The following GRIN3B variants were observed in gnomAD, a reference collection of about 807,000 sequenced individuals.
GRIN3B encodes the protein glutamate receptor ionotropic, NMDA 3B.
GRIN3B carries 77 observed loss-of-function variants against 66.0 expected under a neutral mutation model. That is an observed-to-expected ratio of 1.17 (90% CI 0.97 to 1.41). The LOEUF (loss-of-function observed/expected upper bound fraction) is 1.41, where lower values mean the gene tolerates loss of function less well. Among genes scored for constraint, GRIN3B ranks in the 40% most tolerant of loss-of-function variants. The pLI is 0.00. For synonymous variants in GRIN3B, 823 were observed against 749.7 expected, an observed-to-expected ratio of 1.10 and a Z score of -1.60; for missense variants, 1,787 against 1,564.5, an observed-to-expected ratio of 1.14 and a Z score of -2.40.
At position 1,008,914 on chromosome 19, in the gene GRIN3B, G is replaced by A; in HGVS notation, c.2689G>A (p.Glu897Lys). 1 of 1,608,812 alleles carries A rather than the reference G, an allele frequency of 6.2e-7. No individual in the cohort carries two copies. Among genetic ancestry groups the A allele is most frequent in the South Asian group, 1.1e-5 (1 of 90,484 alleles). Residue 897 changes from glutamate to lysine, a missense_variant, in exon 8 of 9, where the codon GAG becomes AAG. Physicochemically the swap from Glu to Lys is moderately conservative, Grantham distance 56. Coordinates refer to ENST00000234389, the MANE Select transcript of GRIN3B (RefSeq NM_138690.3). ...PPEGSKEETAEAEPSGPEVEQ... is the reference protein window; with the variant it reads ...PPEGSKEETAKAEPSGPEVEQ... Reference sequence around the variant, plus strand: ...AGAGGGGTCGAAGGAGGAGACGGCAGAGGCGGAGCCCAGGTAAGTGGTGGT... The same window carrying A: ...AGAGGGGTCGAAGGAGGAGACGGCAAAGGCGGAGCCCAGGTAAGTGGTGGT...
chr19:1,008,176 C>T lies in GRIN3B; in HGVS notation c.2351C>T (p.Thr784Ile). ...GGACTGCCCCAGAACTCGCCGCTCA[C>T]CTCCAACCTGTCCGAGTTCATCAGC... ...GIGLPQNSPL[T>I]SNLSEFISRY... is the part of the protein sequence containing the mutation. The change falls in exon 6 of 9, where the codon ACC becomes ATC. Residue 784 changes from threonine (T) to isoleucine (I), a missense_variant. Transcript: ENST00000234389. The T allele has an allele frequency of 6.2e-7, 1 of 1,607,956 alleles. No homozygotes were observed. The highest frequency in any genetic ancestry group is 8.5e-7 in the Non-Finnish European group (1 of 1,177,858).
rs540750615 is a variant in GRIN3B, at chr19:1,007,196, G to A, written c.2053-432G>A. Among the ~76,000 whole-genome samples the A allele has an allele frequency of 2.6e-5, 4 of 152,258 alleles. No individual in the cohort carries two copies. The highest frequency in any genetic ancestry group is 9.6e-5 in the African/African-American group (4 of 41,536). Reference sequence around the variant, plus strand: ...TTTTCGGGAGAAACAGGGTGTCAGAGGCAGTGACGACAGAGCTGCCTCCGC... The same window carrying A: ...TTTTCGGGAGAAACAGGGTGTCAGAAGCAGTGACGACAGAGCTGCCTCCGC... On this transcript the variant is annotated intron_variant, in intron 3 of 8. Transcript: ENST00000234389. This position sits in a 1 kb window ranked among gnomAD's most constrained non-coding sequence, Gnocchi z 4.4.
chr19:1,008,863 C>T lies in GRIN3B; in HGVS notation c.2638C>T (p.His880Tyr), dbSNP rs1383386252. The T allele has an allele frequency of 6.2e-6, 10 of 1,608,496 alleles. No individual in the cohort carries two copies. The highest frequency in any genetic ancestry group is 2.7e-5 in the African/African-American group (2 of 74,878). Residue 880 changes from histidine to tyrosine, a missense_variant, in exon 8 of 9, where the codon CAC (histidine) becomes TAC (tyrosine). Transcript: ENST00000234389. Reference sequence around the variant, plus strand: ...GGTCTGTCTGGGGTCTTAGAAAATCCACCGCGCCCTCAACACGGAGCCACC... The same window carrying T: ...GGTCTGTCTGGGGTCTTAGAAAATCTACCGCGCCCTCAACACGGAGCCACC... ...QYWLHTSQKI[H>Y]RALNTEPPEG...
In GRIN3B at chr19:1,000,875, G is replaced by A; in HGVS notation, c.426+12G>A. 2.1e-6 allele frequency: 3 copies of A among 1,395,386 alleles called. No homozygotes were observed. The highest frequency in any genetic ancestry group is 1.5e-5 in the South Asian group (1 of 66,056). 86.4% of individuals were successfully genotyped at this position (1,395,386 alleles called of 1,614,324 possible). A position where few individuals can be genotyped will look rare whatever the true frequency, so the allele number is the denominator to read the frequency against. On this transcript the variant is annotated intron_variant, in intron 1 of 8. Coordinates refer to ENST00000234389, the MANE Select transcript of GRIN3B (RefSeq NM_138690.3). ...CCCTCGGAGCCCCGGTACGCGGGACGCCCGGAGTCAGGACGAGGGGGACCC... is the reference window on the plus strand; with the variant it reads ...CCCTCGGAGCCCCGGTACGCGGGACACCCGGAGTCAGGACGAGGGGGACCC...
Position 1,005,234 on chromosome 19 carries a change from G to A in GRIN3B, c.1733G>A (p.Trp578Ter). Residue 578 changes from tryptophan to a stop codon, truncating the protein, a stop_gained, in exon 3 of 9, where the codon TGG becomes TAG. Coordinates refer to ENST00000234389, the MANE Select transcript of GRIN3B (RefSeq NM_138690.3). LOFTEE classifies it high-confidence loss of function. This position sits in a 1 kb window ranked among gnomAD's most constrained non-coding sequence, Gnocchi z 5.2. ...ATGTGGCCCCTGCACTGGTCCACGTGGCTGGGCGTCTTTGCGGCCCTGCAC... is the reference window on the plus strand; with the variant it reads ...ATGTGGCCCCTGCACTGGTCCACGTAGCTGGGCGTCTTTGCGGCCCTGCAC... The part of the protein sequence containing the change: ...AFMWPLHWST[W>*]LGVFAALHLT... 1 of 1,613,360 alleles carries A rather than the reference G, an allele frequency of 6.2e-7. No individual in the cohort carries two copies. The highest frequency in any genetic ancestry group is 8.5e-7 in the Non-Finnish European group (1 of 1,179,892).
rs746604370 is a variant in GRIN3B, at chr19:1,003,541, G to C, written c.838G>C (p.Ala280Pro). 2.1e-5 allele frequency: 32 copies of C among 1,523,128 alleles called. No homozygotes were observed. Among genetic ancestry groups the C allele is most frequent in the Non-Finnish European group, 2.8e-5 (32 of 1,140,696 alleles). The allele number at this position is 1,523,128 out of a possible 1,614,324, so 94.4% of individuals were successfully genotyped here. The change falls in exon 2 of 9, where the codon GCG (alanine) becomes CCG (proline). Residue 280 changes from alanine to proline, a missense_variant. Physicochemically the swap from Ala to Pro is conservative, Grantham distance 27. Transcript: ENST00000234389. ...PTAGLPPGLL[A>P]LGEVARPPLE... is the part of the protein sequence containing the mutation. ...CGCGGGGCTGCCACCAGGGCTGCTG[G>C]CGCTGGGCGAGGTGGCACGACCCCC...
chr19:1,004,514 C>T lies in GRIN3B; in HGVS notation c.1020-7C>T. 1 of 1,533,626 alleles carries T rather than the reference C, an allele frequency of 6.5e-7. No homozygotes were observed. The highest frequency in any genetic ancestry group is 8.9e-7 in the Non-Finnish European group (1 of 1,125,358). On this transcript the variant is annotated splice_region_variant and splice_polypyrimidine_tract_variant and intron_variant, in intron 2 of 8. Coordinates refer to ENST00000234389, the MANE Select transcript of GRIN3B (RefSeq NM_138690.3). ...GACACCTGACACCCCCCCCGCCCTG[C>T]CCCTAGGTTCCTGGCCAACACGTCC...
In GRIN3B at chr19:1,003,202, C is replaced by T; in HGVS notation, c.499C>T (p.Gln167Ter). The T allele has an allele frequency of 6.5e-7, 1 of 1,535,106 alleles. No individual in the cohort carries two copies. The highest frequency in any genetic ancestry group is 8.7e-7 in the Non-Finnish European group (1 of 1,143,160). The part of the protein sequence containing the change: ...TLLDVLVAVL[Q>*]AHAWEDVGLA... ...GCTGGATGTGCTGGTGGCGGTGCTGCAGGCGCACGCCTGGGAAGACGTCGG... is the reference window on the plus strand; with the variant it reads ...GCTGGATGTGCTGGTGGCGGTGCTGTAGGCGCACGCCTGGGAAGACGTCGG... The change falls in exon 2 of 9, where the codon CAG (glutamine) becomes TAG (stop). Residue 167 changes from glutamine to a stop codon, truncating the protein, a stop_gained. Coordinates refer to ENST00000234389, the MANE Select transcript of GRIN3B (RefSeq NM_138690.3). LOFTEE classifies it high-confidence loss of function.
rs544534250 is a variant in GRIN3B, at chr19:1,000,478, C to T, written c.41C>T (p.Ala14Val). 5 of 1,207,856 alleles carry T rather than the reference C, an allele frequency of 4.1e-6. No homozygotes were observed. The highest frequency in any genetic ancestry group is 5.1e-6 in the Non-Finnish European group (5 of 971,680). The allele number at this position is 1,207,856 out of a possible 1,614,324, so 74.8% of individuals were successfully genotyped here. ...GCGCTGTGGCTGGGCCTGGCGCTGG[C>T]GCTGGGGCCGGGGTCCGCGGGGGGC... is the stretch of plus-strand genomic sequence containing the variant. ...VRALWLGLALALGPGSAGGHP... is the reference protein window; with the variant it reads ...VRALWLGLALVLGPGSAGGHP... The change falls in exon 1 of 9, where the codon GCG (alanine) becomes GTG (valine). Residue 14 changes from alanine (A) to valine (V), a missense_variant. Ala to Val is a moderately conservative substitution (Grantham distance 64, BLOSUM62 0). Transcript: ENST00000234389.
Position 1,009,529 on chromosome 19 carries a change from G to C in GRIN3B, c.3059G>C (p.Arg1020Pro). 1 of 1,489,034 alleles carries C rather than the reference G, an allele frequency of 6.7e-7. No individual in the cohort carries two copies. The allele number at this position is 1,489,034 out of a possible 1,614,324, so 92.2% of individuals were successfully genotyped here. The change falls in exon 9 of 9, where the codon CGG becomes CCG. Residue 1020 changes from arginine to proline, a missense_variant. Coordinates refer to ENST00000234389, the MANE Select transcript of GRIN3B (RefSeq NM_138690.3). ...QLGDSARHRPRRLLQARAAPA... is the reference protein window; with the variant it reads ...QLGDSARHRPPRLLQARAAPA... ...GGGGACAGCGCACGTCACCGGCCTC[G>C]GCGCTTGCTTCAGGCCAGAGCGGCC...
chr19:1,005,108 C>G lies in GRIN3B; in HGVS notation c.1607C>G (p.Ser536Cys). The G allele has an allele frequency of 6.2e-7, 1 of 1,613,004 alleles. No homozygotes were observed. The highest frequency in any genetic ancestry group is 8.5e-7 in the Non-Finnish European group (1 of 1,179,872). ...HMAVTSFSINSARSQVVDFTS... is the reference protein window; with the variant it reads ...HMAVTSFSINCARSQVVDFTS... Reference sequence around the variant, plus strand: ...GCGGTCACCAGCTTCAGTATCAACTCCGCCCGCTCACAGGTGGTGGACTTC... The same window carrying G: ...GCGGTCACCAGCTTCAGTATCAACTGCGCCCGCTCACAGGTGGTGGACTTC... The change falls in exon 3 of 9, where the codon TCC becomes TGC. Residue 536 changes from serine to cysteine, a missense_variant. Ser to Cys is a moderately radical substitution (Grantham distance 112). Coordinates refer to ENST00000234389, the MANE Select transcript of GRIN3B (RefSeq NM_138690.3). The surrounding 1 kb of genome is among the most constrained non-coding windows in gnomAD (Gnocchi z 5.2).
At position 1,008,866 on chromosome 19, in the gene GRIN3B, C is replaced by G. The variant is rs763551432; in HGVS notation, c.2641C>G (p.Arg881Gly). 9.9e-6 allele frequency: 16 copies of G among 1,608,888 alleles called. 1 individual carries two copies. The South Asian group carries it at 1.7e-4, about 17-fold the overall frequency. Residue 881 changes from arginine to glycine, a missense_variant, in exon 8 of 9, where the codon CGC (arginine) becomes GGC (glycine). Transcript: ENST00000234389. ...CTGTCTGGGGTCTTAGAAAATCCAC[C>G]GCGCCCTCAACACGGAGCCACCAGA... Reference protein sequence around the residue: ...YWLHTSQKIHRALNTEPPEGS... With the variant: ...YWLHTSQKIHGALNTEPPEGS...
intron 2 of GRIN3B, among the ~76,000 whole-genome samples, chr19:1,004,175 G>A (rs925598129): frequency 6.6e-6 from 1 of 152,200 alleles, no homozygotes; most frequent in East Asian, 1.9e-4. Flanking sequence ...AGCAGAGAAC[G>A]AGCTGAACAA....
rs1249859702 is a variant in GRIN3B, at chr19:1,008,945, C to T, written c.2702+18C>T. On this transcript the variant is annotated intron_variant, in intron 8 of 8. Transcript: ENST00000234389. ...GAGCCCAGGTAAGTGGTGGTCGGGG[C>T]GGACCACGATGCAGGACCACCCAGA... is the stretch of plus-strand genomic sequence containing the variant. 3.1e-6 allele frequency: 5 copies of T among 1,591,778 alleles called. No homozygotes were observed. The highest frequency in any genetic ancestry group is 2.7e-5 in the African/African-American group (2 of 74,422).
At chr19:1,001,035 C>T (rs62134213) in intron 1 of GRIN3B, among the ~76,000 whole-genome samples, 172 bp downstream of exon 1, 71 of 152,082 alleles carry the variant, frequency 4.7e-4, no homozygotes, top group Non-Finnish European at 8.2e-4. Context: ...CGGGTGTCCC[C>T]GGAGCAAGGA....
At chr19:1,009,027 A>G (rs2038802440) in intron 8 of GRIN3B, 100 bp downstream of exon 8, 2 of 1,457,164 alleles carry the variant, frequency 1.4e-6, no homozygotes, top group Non-Finnish European at 1.9e-6. Context: ...AGGTTCCCGG[A>G]GGTCCCCCGC....
chr19:1,009,115 G>A, intron 8 of GRIN3B, 58 bp from the exon 9 acceptor site: 2 of 1,442,836 alleles, frequency 1.4e-6, no homozygotes, highest in Non-Finnish European at 1.8e-6. Flanking sequence ...CTCTGCAGAG[G>A]CCCAGGGCGC....
intron 1 of GRIN3B, 60 bp downstream of exon 1, chr19:1,000,923 C>T: frequency 7.5e-7 from 1 of 1,326,058 alleles, no homozygotes; most frequent in Non-Finnish European, 9.6e-7. Context: ...GGGTCGGGAG[C>T]CCTGGGGACG....
In GRIN3B at chr19:1,009,549, G is replaced by A; in HGVS notation, c.3079G>A (p.Ala1027Thr). The A allele has an allele frequency of 6.8e-7, 1 of 1,470,416 alleles. No individual in the cohort carries two copies. Among genetic ancestry groups the A allele is most frequent in the South Asian group, 1.3e-5 (1 of 76,138 alleles). 91.1% of individuals were successfully genotyped at this position (1,470,416 alleles called of 1,614,324 possible). A position where few individuals can be genotyped will look rare whatever the true frequency, so the allele number is the denominator to read the frequency against. ...HRPRRLLQAR[A>T]APAEAPPHSG... ...GCCTCGGCGCTTGCTTCAGGCCAGA[G>A]CGGCCCCCGCGGAGGCCCCACCACA... The change falls in exon 9 of 9, where the codon GCG becomes ACG. Residue 1027 changes from alanine to threonine, a missense_variant. Ala to Thr is a moderately conservative substitution (Grantham distance 58). Transcript: ENST00000234389.
Sources: allele counts gnomAD v4.1 joint callset (sites outside exome capture counted in the v4.1 genomes callset), GRCh38; gene constraint gnomAD v4.1.1; non-coding constraint Gnocchi (gnomAD v3.1); transcripts MANE v1.5; gene names NCBI Gene and HGNC (gene_info 2026-07-23, HGNC 2026-07-21).